Variants in NTSR1 observed in about 807,000 individuals in gnomAD.
The protein encoded by NTSR1 is neurotensin receptor 1, also known as neurotensin receptor type 1.
A neutral mutation model predicts 31.2 loss-of-function variants in NTSR1; 29 were observed. The observed-to-expected ratio is 0.93, with a 90% CI of 0.69 to 1.27. The LOEUF (loss-of-function observed/expected upper bound fraction) is 1.27, where lower values mean the gene tolerates loss of function less well. Among genes scored for constraint, NTSR1 ranks in the 50% most tolerant of loss-of-function variants. The probability of loss-of-function intolerance (pLI) is 0.00; values close to 1 mark genes in which losing one functional copy is unlikely to be tolerated. For synonymous variants in NTSR1, 282 were observed against 269.9 expected (o/e 1.04, Z -0.44); for missense variants, 697 against 595.4 (o/e 1.17, Z -1.78).
At chr20:62,740,515 G>C (rs1043330496) in intron 1 of NTSR1, among the ~76,000 whole-genome samples, 3 of 152,226 alleles carry the variant, frequency 2.0e-5, no homozygotes, top group African/African-American at 7.2e-5. Flanking sequence ...GTGAGCGGGA[G>C]ACAGATCTTA....
At chr20:62,759,913 C>T (rs1359666251) in intron 3 of NTSR1, 105 bp from the exon 4 acceptor site, 3 of 1,096,934 alleles carry the variant, frequency 2.7e-6, no homozygotes, top group South Asian at 1.4e-5. Flanking sequence ...TTTTAATTAG[C>T]GTCTGAGCCA....
rs1003991221 is a variant in NTSR1, at chr20:62,715,639, C to T, written c.714+5718C>T. ...CATTGTGACCCGGGGTCAGCTCTCC[C>T]GGGCTGTCCTGCACTTGGACTGACA... is the stretch of plus-strand genomic sequence containing the variant. On this transcript the variant is annotated intron_variant, in intron 1 of 3. Transcript: ENST00000370501. The surrounding 1 kb of genome is among the most constrained non-coding windows in gnomAD (Gnocchi z 4.7). 3.9e-5 allele frequency among the ~76,000 whole-genome samples: 6 copies of T among 152,228 alleles called. No homozygotes were observed. Among genetic ancestry groups the T allele is most frequent in the African/African-American group, 1.2e-4 (5 of 41,454 alleles).
intron 1 of NTSR1, among the ~76,000 whole-genome samples, chr20:62,725,908 C>T (rs1004994432): frequency 1.6e-4 from 25 of 151,856 alleles, no homozygotes; most frequent in African/African-American, 5.6e-4. Flanking sequence ...GAAAGGTGGC[C>T]GGCCCTGGCT....
In NTSR1 at chr20:62,742,849, T is replaced by C. The variant is rs1172752606; in HGVS notation, c.715-11836T>C. Among the ~76,000 whole-genome samples, 1 of 149,402 alleles carries C rather than the reference T, an allele frequency of 6.7e-6. No individual in the cohort carries two copies. Among genetic ancestry groups the C allele is most frequent in the Non-Finnish European group, 1.5e-5 (1 of 67,976 alleles). Reference sequence around the variant, plus strand: ...GGTTCCCATCCCTCTCCCCGCAGTGTTTCCCCAGTTCCAGGGCTGTGAGGT... The same window carrying C: ...GGTTCCCATCCCTCTCCCCGCAGTGCTTCCCCAGTTCCAGGGCTGTGAGGT... On this transcript the variant is annotated intron_variant, in intron 1 of 3. Coordinates refer to ENST00000370501, the MANE Select transcript of NTSR1 (RefSeq NM_002531.3). This position sits in a 1 kb window ranked among gnomAD's most constrained non-coding sequence, Gnocchi z 7.1.
intron 1 of NTSR1, among the ~76,000 whole-genome samples, chr20:62,736,022 T>A (rs1989086194): frequency 6.6e-6 from 1 of 152,244 alleles, no homozygotes; most frequent in South Asian, 2.1e-4. Flanking sequence ...GTAATTCCCG[T>A]TTAAATTTGT....
rs767370862 is a variant in NTSR1 at position 62,741,656 on chromosome 20, A to G, written c.715-13029A>G. Among the ~76,000 whole-genome samples the G allele has an allele frequency of 1.3e-5, 2 of 149,674 alleles. No homozygotes were observed. The highest frequency in any genetic ancestry group is 2.9e-5 in the Non-Finnish European group (2 of 68,020). ...CCTTTCCCAGAAATTCCAAACCAGAAGAAAAGTGCAGGGAACAGAGTGGAG... is the reference window on the plus strand; with the variant it reads ...CCTTTCCCAGAAATTCCAAACCAGAGGAAAAGTGCAGGGAACAGAGTGGAG... On this transcript the variant is annotated intron_variant, in intron 1 of 3. Transcript: ENST00000370501. The surrounding 1 kb of genome is among the most constrained non-coding windows in gnomAD (Gnocchi z 4.3).
chr20:62,720,753 A>T (rs967462947), intron 1 of NTSR1, among the ~76,000 whole-genome samples: 2 of 151,812 alleles, frequency 1.3e-5, no homozygotes, highest in Non-Finnish European at 2.9e-5. Flanking sequence ...TAAGATCTTT[A>T]TTCTTTTCTA....
At chr20:62,726,975 T>G (rs975465067) in intron 1 of NTSR1, among the ~76,000 whole-genome samples, 8 of 152,304 alleles carry the variant, frequency 5.3e-5, no homozygotes, top group African/African-American at 1.9e-4. Flanking sequence ...GAAACTGCTT[T>G]GTGGACAACC....
rs1989603155 is a variant in NTSR1, at chr20:62,760,545, A to T, written c.*278A>T. 5.1e-6 allele frequency: 2 copies of T among 393,434 alleles called. No individual in the cohort carries two copies. Among genetic ancestry groups the T allele is most frequent in the Non-Finnish European group, 9.2e-6 (2 of 217,558 alleles). 24.4% of individuals were successfully genotyped at this position (393,434 alleles called of 1,614,324 possible). A position where few individuals can be genotyped will look rare whatever the true frequency, so the allele number is the denominator to read the frequency against. ...CTCCCAGATAGGAAAAGGGCCTCTA[A>T]CAAGGAGAAATTAGTGTGCGGCAAA... On this transcript the variant is annotated 3_prime_UTR_variant, in exon 4 of 4. Coordinates refer to ENST00000370501, the MANE Select transcript of NTSR1 (RefSeq NM_002531.3).
At chr20:62,740,720 T>A (rs930398943) in intron 1 of NTSR1, among the ~76,000 whole-genome samples, 1 of 151,834 alleles carries the variant, frequency 6.6e-6, no homozygotes, top group Non-Finnish European at 1.5e-5. Context: ...GGGCCAGAAT[T>A]CCACCCCTCA....
Position 62,709,485 on chromosome 20 carries a change from C to T in NTSR1, c.278C>T (p.Ser93Leu), listed in dbSNP as rs371410424. 29 of 1,612,494 alleles carry T rather than the reference C, an allele frequency of 1.8e-5. No homozygotes were observed. Among genetic ancestry groups the T allele is most frequent in the Non-Finnish European group, 2.3e-5 (27 of 1,179,856 alleles). Reference sequence around the variant, plus strand: ...GCGTTCACGCTGGCGCGGAAGAAGTCGCTGCAGAGCCTGCAGAGCACGGTG... The same window carrying T: ...GCGTTCACGCTGGCGCGGAAGAAGTTGCTGCAGAGCCTGCAGAGCACGGTG... ...VTAFTLARKK[S>L]LQSLQSTVHY... The change falls in exon 1 of 4, where the codon TCG becomes TTG. Residue 93 changes from serine (S) to leucine (L), a missense_variant. Transcript: ENST00000370501.
At chr20:62,721,684 A>C (rs1161776536) in intron 1 of NTSR1, among the ~76,000 whole-genome samples, 1 of 152,226 alleles carries the variant, frequency 6.6e-6, no homozygotes, top group Admixed American at 6.5e-5. Flanking sequence ...TAACTCCAGG[A>C]CTTGTGTTGA....
At chr20:62,725,848 G>A (rs996442606) in intron 1 of NTSR1, among the ~76,000 whole-genome samples, 2 of 152,076 alleles carry the variant, frequency 1.3e-5, no homozygotes, top group Non-Finnish European at 2.9e-5. Context: ...GGGGAGGGAG[G>A]AGGAGGGAGG....
At position 62,733,683 on chromosome 20, in the gene NTSR1, G is replaced by A. The variant is rs1441492619; in HGVS notation, c.715-21002G>A. The stretch of plus-strand genomic sequence containing the variant: ...GAGAGAAAAGGAAAGAGAGGAGAGA[G>A]GGAAAGGCAGAGAGAGAAACAGAGG... On this transcript the variant is annotated intron_variant, in intron 1 of 3. Coordinates refer to ENST00000370501, the MANE Select transcript of NTSR1 (RefSeq NM_002531.3). The surrounding 1 kb of genome is among the most constrained non-coding windows in gnomAD (Gnocchi z 5.2). 6.6e-6 allele frequency among the ~76,000 whole-genome samples: 1 copy of A among 151,848 alleles called. No individual in the cohort carries two copies. The highest frequency in any genetic ancestry group is 2.4e-5 in the African/African-American group (1 of 41,304).
chr20:62,712,321 C>T (rs972576174), intron 1 of NTSR1, among the ~76,000 whole-genome samples: 1 of 152,246 alleles, frequency 6.6e-6, no homozygotes, highest in African/African-American at 2.4e-5. Context: ...AGCTAAGTGT[C>T]TCCCTCTCAG....
chr20:62,716,669 G>A (rs931622690), intron 1 of NTSR1, among the ~76,000 whole-genome samples: 3 of 106,506 alleles, frequency 2.8e-5, no homozygotes, highest in Admixed American at 9.6e-5. Context: ...AGGCTGTTTC[G>A]GGTGGCCAGG....
chr20:62,737,418 C>T (rs1269874574), intron 1 of NTSR1, among the ~76,000 whole-genome samples: 7 of 152,200 alleles, frequency 4.6e-5, no homozygotes, highest in Admixed American at 2.6e-4. Flanking sequence ...TGGCTCCCTC[C>T]GTGCAGTCGG....
intron 1 of NTSR1, among the ~76,000 whole-genome samples, chr20:62,737,392 G>C (rs139444408): frequency 6.6e-6 from 1 of 152,164 alleles, no homozygotes; most frequent in African/African-American, 2.4e-5. Context: ...CCTAGGATGC[G>C]TGTCCAGAGG....
chr20:62,718,254 G>T (rs1839197812), intron 1 of NTSR1, among the ~76,000 whole-genome samples: 1 of 152,170 alleles, frequency 6.6e-6, no homozygotes, highest in South Asian at 2.1e-4. Context: ...GGACAGTTCT[G>T]ACTGCTTTGT....
Sources: allele counts gnomAD v4.1 joint callset (sites outside exome capture counted in the v4.1 genomes callset), GRCh38; gene constraint gnomAD v4.1.1; non-coding constraint Gnocchi (gnomAD v3.1); transcripts MANE v1.5; gene names NCBI Gene and HGNC (gene_info 2026-07-23, HGNC 2026-07-21).